MYCBP2: variants seen among roughly 807,000 people sequenced by gnomAD.
MYCBP2 encodes MYC binding protein 2, also known as E3 ubiquitin-protein ligase MYCBP2.
A neutral mutation model predicts 525.3 loss-of-function variants in MYCBP2; 120 were observed. The ratio of observed to expected loss-of-function variants is 0.23; its 90% CI spans 0.20 to 0.27. The LOEUF (loss-of-function observed/expected upper bound fraction) is 0.27. Ranked by LOEUF, MYCBP2 falls within the 10% of genes least tolerant of loss-of-function variation. MYCBP2 has a pLI of 1.00. For missense variants in MYCBP2, 4,149 were observed against 5,657.1 expected (o/e 0.73, Z 8.55); for synonymous variants, 1,894 against 1,955.8 (o/e 0.97, Z 0.83).
At chr13:77,151,171 T>C (rs2056399334) in intron 46 of MYCBP2, among the ~76,000 whole-genome samples, 1 of 152,130 alleles carries the variant, frequency 6.6e-6, no homozygotes, top group South Asian at 2.1e-4. Context: ...GGCCTCATAG[T>C]TTTGGAATAC....
At chr13:77,199,392 C>A (rs969366160) in intron 26 of MYCBP2, among the ~76,000 whole-genome samples, 1 of 152,224 alleles carries the variant, frequency 6.6e-6, no homozygotes, top group African/African-American at 2.4e-5. Flanking sequence ...GAGGGTCCTA[C>A]GCTCATGGAG....
In MYCBP2 at chr13:77,169,602, T is replaced by A. The variant is rs1218535456; in HGVS notation, c.5895+12A>T. 2 of 1,595,742 alleles carry A rather than the reference T, an allele frequency of 1.3e-6. No individual in the cohort carries two copies. The highest frequency in any genetic ancestry group is 1.7e-6 in the Non-Finnish European group (2 of 1,164,676). ...AAAAAAACATTCAAAGTTATAGAATTAAATTACACACCTTGGGAATAGCAG... is the reference window on the plus strand; with the variant it reads ...AAAAAAACATTCAAAGTTATAGAATAAAATTACACACCTTGGGAATAGCAG... On this transcript the variant is annotated intron_variant, in intron 39 of 82. Coordinates refer to ENST00000544440, the MANE Select transcript of MYCBP2 (RefSeq NM_015057.5).
intron 55 of MYCBP2, among the ~76,000 whole-genome samples, chr13:77,102,002 T>C (rs867322376): frequency 6.6e-6 from 1 of 151,950 alleles, no homozygotes; most frequent in Non-Finnish European, 1.5e-5. Context: ...AATGATAATA[T>C]GCAAACATTT....
chr13:77,126,633 A>G, intron 52 of MYCBP2, 91 bp from the exon 53 acceptor site: 1 of 890,496 alleles, frequency 1.1e-6, no homozygotes, highest in Non-Finnish European at 1.7e-6. Context: ...TAGCAAGTCT[A>G]CAGTACTGTC....
In MYCBP2 at chr13:77,176,556, T is replaced by C. The variant is rs1286660734; in HGVS notation, c.5413A>G (p.Thr1805Ala). 1.9e-6 allele frequency: 3 copies of C among 1,602,836 alleles called. No homozygotes were observed. The highest frequency in any genetic ancestry group is 1.7e-5 in the Admixed American group (1 of 59,918). ...SLELVKGTYT[T>A]DDSPSDIAEI... ...GCTATATCACTGGGTGAGTCATCCG[T>C]TGTGTACGTTCCTTTCACTAATTCC... Residue 1805 changes from threonine (T) to alanine (A), a missense_variant, in exon 36 of 83, where the codon ACG becomes GCG. By Grantham distance (58) the Thr-to-Ala change is moderately conservative (BLOSUM62 0). Coordinates refer to ENST00000544440, the MANE Select transcript of MYCBP2 (RefSeq NM_015057.5).
chr13:77,188,073 CAAAA>C (rs745537934), intron 30 of MYCBP2, among the ~76,000 whole-genome samples: 1 of 53,244 alleles, frequency 1.9e-5, no homozygotes. Context: ...TCTGCCTCAC[CAAAA>C]AAAAAAAAAA....
intron 23 of MYCBP2, among the ~76,000 whole-genome samples, chr13:77,207,221 C>G (rs558611321): frequency 6.6e-6 from 1 of 152,152 alleles, no homozygotes; most frequent in East Asian, 1.9e-4. Flanking sequence ...TGTATAAGAG[C>G]TAGAAACAAT....
At chr13:77,264,339 T>A (rs907117609) in intron 8 of MYCBP2, among the ~76,000 whole-genome samples, 1 of 152,064 alleles carries the variant, frequency 6.6e-6, no homozygotes, top group Non-Finnish European at 1.5e-5. Flanking sequence ...TACAATCACA[T>A]GCAATGGAGG....
chr13:77,247,391 G>A (rs1210255539), intron 15 of MYCBP2, among the ~76,000 whole-genome samples: 3 of 152,098 alleles, frequency 2.0e-5, no homozygotes, highest in Non-Finnish European at 4.4e-5. Flanking sequence ...CCAATGAGGT[G>A]AAATGAGAAC....
At position 77,045,423 on chromosome 13, in the gene MYCBP2, C is replaced by T; in HGVS notation, c.13992G>A (p.Glu4664=). The T allele has an allele frequency of 6.2e-7, 1 of 1,614,158 alleles. No homozygotes were observed. The highest frequency in any genetic ancestry group is 8.5e-7 in the Non-Finnish European group (1 of 1,180,016). The change falls in exon 83 of 83, where the codon GAG becomes GAA. Residue 4664 remains glutamate, a synonymous_variant. Coordinates refer to ENST00000544440, the MANE Select transcript of MYCBP2 (RefSeq NM_015057.5). ...TGCACACTCCACATCCCAGAGCAAA[C>T]TCTTCCCCAGTGGGTGGATGAACAA... ...LHVVHPPTGE[E]FALGCGVCRN...
At chr13:77,260,036 A>G (rs930130133) in intron 13 of MYCBP2, among the ~76,000 whole-genome samples, 10 of 152,212 alleles carry the variant, frequency 6.6e-5, no homozygotes, top group African/African-American at 1.9e-4. Flanking sequence ...AAGACAGATC[A>G]TCCCAGCCAA....
At chr13:77,223,777 T>A (rs2065900132) in intron 20 of MYCBP2, among the ~76,000 whole-genome samples, 1 of 152,162 alleles carries the variant, frequency 6.6e-6, no homozygotes. Context: ...AATGGAAAGG[T>A]ACACCCTTTC....
intron 2 of MYCBP2, among the ~76,000 whole-genome samples, chr13:77,290,841 C>G (rs1193514105): frequency 6.6e-6 from 1 of 152,114 alleles, no homozygotes; most frequent in Non-Finnish European, 1.5e-5. Context: ...CTTAGGTGCA[C>G]ACAAACACAT....
intron 17 of MYCBP2, among the ~76,000 whole-genome samples, chr13:77,236,082 T>G (rs2067880498): frequency 6.6e-6 from 1 of 152,168 alleles, no homozygotes. Context: ...GGCTAATGGC[T>G]TAGAAGATAA....
At chr13:77,074,003 C>CG (rs2041854510) in intron 68 of MYCBP2, among the ~76,000 whole-genome samples, 2 of 24,546 alleles carry the variant, frequency 8.1e-5, no homozygotes, top group African/African-American at 1.4e-4. Context: ...ATCCCCACCG[C>CG]CCCCCCCCCT....
rs1209007552 is a variant in MYCBP2 at position 77,254,166 on chromosome 13, C to A, written c.2177-2811G>T. Among the ~76,000 whole-genome samples the A allele has an allele frequency of 1.3e-5, 2 of 151,618 alleles. 1 individual carries two copies. Among genetic ancestry groups the A allele is most frequent in the Middle Eastern group, 6.4e-3 (2 of 312 alleles). On this transcript the variant is annotated intron_variant, in intron 14 of 82. Coordinates refer to ENST00000544440, the MANE Select transcript of MYCBP2 (RefSeq NM_015057.5). ...TAACAGATTAACACTTATAAAAACA[C>A]ATAAAACAGTAGTATATTTTATGTG...
intron 73 of MYCBP2, 125 bp downstream of exon 73, chr13:77,064,490 C>T (rs941387222): frequency 2.9e-5 from 31 of 1,064,016 alleles, no homozygotes; most frequent in Admixed American, 5.8e-5. Flanking sequence ...TCAATAAATA[C>T]GGTATTTGGT....
At chr13:77,273,786 A>G in intron 4 of MYCBP2, 118 bp from the exon 5 acceptor site, 1 of 745,702 alleles carries the variant, frequency 1.3e-6, no homozygotes. Flanking sequence ...TAGAACAATT[A>G]CTTTGCTTTA....
chr13:77,195,448 T>A (rs1344284010), intron 26 of MYCBP2, among the ~76,000 whole-genome samples: 3 of 152,018 alleles, frequency 2.0e-5, no homozygotes, highest in Non-Finnish European at 4.4e-5. Context: ...AATACAAAAA[T>A]TAGCTGGGCG....
Sources: gnomAD v4.1 joint callset for allele counts (sites outside exome capture counted in the v4.1 genomes callset) on GRCh38, gnomAD v4.1.1 for gene constraint, MANE v1.5 for transcripts, NCBI Gene and HGNC (gene_info 2026-07-23, HGNC 2026-07-21) for gene names.